DLG1: variants seen among roughly 807,000 people sequenced by gnomAD.
The protein encoded by DLG1 is discs large MAGUK scaffold protein 1.
In DLG1, 42 loss-of-function variants were observed where a neutral mutation model predicts 123.4. The observed-to-expected ratio is 0.34, with a 90% CI of 0.27 to 0.44. The LOEUF is 0.44. Ranked by LOEUF, DLG1 falls within the 20% of genes least tolerant of loss-of-function variation. DLG1 has a pLI of 1.00. For synonymous variants in DLG1, 317 were observed against 356.2 expected (o/e 0.89, Z 1.24); for missense variants, 942 against 1,082.6 (o/e 0.87, Z 1.82).
chr3:197,278,459 A>T (rs536389982), intron 4 of DLG1, among the ~76,000 whole-genome samples: 6 of 152,032 alleles, frequency 3.9e-5, no homozygotes, highest in African/African-American at 1.4e-4. Context: ...TGACAGAGTG[A>T]GACACAGTTT....
chr3:197,159,786 C>T (rs993829075), intron 5 of DLG1, among the ~76,000 whole-genome samples: 5 of 152,070 alleles, frequency 3.3e-5, no homozygotes, highest in Non-Finnish European at 7.4e-5. Flanking sequence ...CATGAACTTC[C>T]GTAGTGTATT....
intron 22 of DLG1, among the ~76,000 whole-genome samples, chr3:197,060,321 C>T (rs941331772): frequency 1.1e-4 from 16 of 152,036 alleles, no homozygotes; most frequent in Admixed American, 6.6e-5. Context: ...ATTTAAGGGA[C>T]GGGGTCTTGT....
At chr3:197,138,603 G>C (rs1338175391) in intron 8 of DLG1, among the ~76,000 whole-genome samples, 1 of 151,676 alleles carries the variant, frequency 6.6e-6, no homozygotes, top group African/African-American at 2.4e-5. Context: ...AGGAACAAAA[G>C]AAATAGTGAA....
chr3:197,077,971 A>G (rs1038563824), intron 17 of DLG1, among the ~76,000 whole-genome samples: 1 of 152,028 alleles, frequency 6.6e-6, no homozygotes, highest in Non-Finnish European at 1.5e-5. Flanking sequence ...TGACAAGAAC[A>G]GTGTGTTTTT....
intron 4 of DLG1, among the ~76,000 whole-genome samples, chr3:197,245,841 C>T (rs925451666): frequency 5.8e-5 from 8 of 138,212 alleles, no homozygotes; most frequent in East Asian, 2.1e-4. Flanking sequence ...GTTATTCCCT[C>T]GTCTTTTAAA....
At chr3:197,135,057 T>C (rs187730459) in intron 10 of DLG1, among the ~76,000 whole-genome samples, 18 of 152,338 alleles carry the variant, frequency 1.2e-4, no homozygotes, top group African/African-American at 4.1e-4. Flanking sequence ...CTTATAAAAT[T>C]ACAGCCAGCT....
chr3:197,152,636 G>T (rs991865256), intron 5 of DLG1, among the ~76,000 whole-genome samples: 1 of 151,410 alleles, frequency 6.6e-6, no homozygotes, highest in African/African-American at 2.4e-5. Context: ...CGTGGCAGGC[G>T]CCTGTAGTCC....
At chr3:197,194,278 C>A (rs368720494) in intron 5 of DLG1, 147 bp downstream of exon 5, 300 of 427,130 alleles carry the variant, frequency 7.0e-4, no homozygotes, top group Middle Eastern at 5.8e-3. Flanking sequence ...TAATAAGCAC[C>A]TTGAAATTCT....
At chr3:197,108,085 C>CTAA (rs1579344258) in intron 13 of DLG1, among the ~76,000 whole-genome samples, 1 of 152,044 alleles carries the variant, frequency 6.6e-6, no homozygotes, top group African/African-American at 2.4e-5. Context: ...GCTTTATGTC[C>CTAA]TTTATTAAGA....
chr3:197,075,869 T>G, intron 18 of DLG1: 5 of 1,611,846 alleles, frequency 3.1e-6, no homozygotes, highest in Non-Finnish European at 4.2e-6. Flanking sequence ...GTCAGGGATC[T>G]CCTGTAGAGG....
intron 3 of DLG1, among the ~76,000 whole-genome samples, chr3:197,284,820 T>C (rs1276300425): frequency 6.6e-6 from 1 of 152,190 alleles, no homozygotes; most frequent in Non-Finnish European, 1.5e-5. Context: ...GTCAATCTTA[T>C]CACAGTCTAT....
At chr3:197,240,508 T>C (rs1578540416) in intron 4 of DLG1, among the ~76,000 whole-genome samples, 1 of 152,106 alleles carries the variant, frequency 6.6e-6, no homozygotes, top group East Asian at 1.9e-4. Flanking sequence ...CAGGTACCCA[T>C]GATCTCCCCA....
In DLG1 at chr3:197,152,292, C is replaced by T. The variant is rs376353778; in HGVS notation, c.484-2496G>A. Among the ~76,000 whole-genome samples, 439 of 152,170 alleles carry T rather than the reference C, an allele frequency of 2.9e-3. 4 individuals are homozygous for T. The highest frequency in any genetic ancestry group is 0.01 in the African/African-American group (418 of 41,534). On this transcript the variant is annotated intron_variant, in intron 5 of 24. Transcript: ENST00000667157. ...TTACAGGGTCACTTGAACCAAGGTGCAATGAGGGCTTTTTCTTCATCTGAA... is the reference window on the plus strand; with the variant it reads ...TTACAGGGTCACTTGAACCAAGGTGTAATGAGGGCTTTTTCTTCATCTGAA...
rs576775763 is a variant in DLG1, at chr3:197,169,766, CTTTTA to C, written c.484-19975_484-19971del. Among the ~76,000 whole-genome samples the C allele has an allele frequency of 8.4e-4, 128 of 152,222 alleles. 1 individual carries two copies. In the South Asian group the frequency reaches 0.016, roughly 19 times the overall value. ...TCACTACTGTATCTTTTTAATTCAA[CTTTTA>C]TTTTAAGTTCAGGGGTACATGTGCA... On this transcript the variant is annotated intron_variant, in intron 5 of 24. Transcript: ENST00000667157.
intron 4 of DLG1, chr3:197,226,496 A>G (rs890855232): frequency 6.6e-6 from 1 of 152,214 alleles, no homozygotes; most frequent in African/African-American, 2.4e-5. Context: ...CTTTCTTACT[A>G]CACCACTAAA....
At chr3:197,094,951 G>C (rs902353488) in intron 14 of DLG1, among the ~76,000 whole-genome samples, 2 of 152,042 alleles carry the variant, frequency 1.3e-5, no homozygotes, top group Non-Finnish European at 2.9e-5. Flanking sequence ...ATGGCATTTT[G>C]AAGTGTAGTT....
intron 6 of DLG1, among the ~76,000 whole-genome samples, chr3:197,144,654 A>G (rs1261014825): frequency 6.6e-6 from 1 of 152,204 alleles, no homozygotes; most frequent in Non-Finnish European, 1.5e-5. Flanking sequence ...CAGGTCTAAT[A>G]TAGGGACCAG....
At chr3:197,239,274 T>C (rs1578520649) in intron 4 of DLG1, among the ~76,000 whole-genome samples, 2 of 151,710 alleles carry the variant, frequency 1.3e-5, no homozygotes, top group East Asian at 3.9e-4. Context: ...GACTAAACCA[T>C]GAAGAAAGAG....
At chr3:197,092,604 A>C (rs1194446214) in intron 14 of DLG1, among the ~76,000 whole-genome samples, 1 of 152,142 alleles carries the variant, frequency 6.6e-6, no homozygotes, top group African/African-American at 2.4e-5. Flanking sequence ...GGGCTCAAGC[A>C]ATCCTGCCTC....
Sources: gnomAD v4.1 joint callset for allele counts (sites outside exome capture counted in the v4.1 genomes callset) on GRCh38, gnomAD v4.1.1 for gene constraint, MANE v1.5 for transcripts, NCBI Gene and HGNC (gene_info 2026-07-23, HGNC 2026-07-21) for gene names.